Variants in RAB44 observed in about 807,000 individuals in gnomAD.
The protein encoded by RAB44 is RAB44, member RAS oncogene family, also known as ras-related protein Rab-44.
Under a neutral mutation model 93.3 loss-of-function variants are expected in RAB44, and 67 were observed. That is an observed-to-expected ratio of 0.72 (90% CI 0.59 to 0.88). The LOEUF (loss-of-function observed/expected upper bound fraction) is 0.88. Among genes scored for constraint, RAB44 ranks in the 40% least tolerant of loss-of-function variants. RAB44 has a pLI of 0.00. For synonymous variants in RAB44, 427 were observed against 520.3 expected, an observed-to-expected ratio of 0.82 and a Z score of 2.44; for missense variants, 1,064 against 1,261.7, an observed-to-expected ratio of 0.84 and a Z score of 2.37.
chr6:36,729,759 A>C (rs1763319862), intron 12 of RAB44, among the ~76,000 whole-genome samples: 1 of 152,214 alleles, frequency 6.6e-6, no homozygotes. Context: ...CTGGGATTAC[A>C]GGCGTGAGCC....
chr6:36,718,411 G>T, intron 6 of RAB44, 82 bp from the exon 7 acceptor site: 1 of 688,644 alleles, frequency 1.5e-6, no homozygotes, highest in Non-Finnish European at 2.0e-6. Flanking sequence ...CCAGGTGGTG[G>T]AGGTGGAGTG....
At position 36,732,399 on chromosome 6, in the gene RAB44, G is replaced by T; in HGVS notation, c.*306G>T. ...AAATATTGGCCGCACATCTGTGGGT[G>T]TAAAATTTTAGGGAGAATGTGGGGG... On this transcript the variant is annotated 3_prime_UTR_variant, in exon 14 of 14. Transcript: ENST00000612677. The T allele has an allele frequency of 1.8e-5, 3 of 167,264 alleles. No homozygotes were observed. The highest frequency in any genetic ancestry group is 3.6e-5 in the Non-Finnish European group (3 of 82,962). The allele number at this position is 167,264 out of a possible 1,614,324, so 10.4% of individuals were successfully genotyped here. A position where few individuals can be genotyped will look rare whatever the true frequency, so the allele number is the denominator to read the frequency against.
Position 36,721,201 on chromosome 6 carries a change from A to T in RAB44, c.1067A>T (p.Glu356Val). 1 of 1,234,154 alleles carries T rather than the reference A, an allele frequency of 8.1e-7. No individual in the cohort carries two copies. The highest frequency in any genetic ancestry group is 1.0e-6 in the Non-Finnish European group (1 of 988,082). The allele number at this position is 1,234,154 out of a possible 1,614,324, so 76.5% of individuals were successfully genotyped here. ...KTPDPQAASPEEAPLPGLFGD... is the reference protein window; with the variant it reads ...KTPDPQAASPVEAPLPGLFGD... ...CCAGACCCTCAGGCTGCCTCCCCTG[A>T]GGAGGCCCCCCTGCCTGGGCTATTT... The change falls in exon 9 of 14, where the codon GAG (glutamate) becomes GTG (valine). Residue 356 changes from glutamate to valine, a missense_variant. Physicochemically the swap from Glu to Val is moderately radical, Grantham distance 121 (BLOSUM62 -2). Transcript: ENST00000612677.
intron 2 of RAB44, among the ~76,000 whole-genome samples, chr6:36,711,017 T>C (rs1028918480): frequency 6.6e-6 from 1 of 152,172 alleles, no homozygotes; most frequent in African/African-American, 2.4e-5. Flanking sequence ...AAGTAAAAAA[T>C]ATATCAACTT....
At chr6:36,706,145 C>T (rs534592684) in intron 2 of RAB44, among the ~76,000 whole-genome samples, 66 of 152,168 alleles carry the variant, frequency 4.3e-4, no homozygotes, top group Non-Finnish European at 9.1e-4. Flanking sequence ...AGCAATCCCC[C>T]CACCTCAGGT....
At chr6:36,704,512 C>A in intron 2 of RAB44, 70 bp downstream of exon 2, 3 of 1,425,042 alleles carry the variant, frequency 2.1e-6, no homozygotes, top group Non-Finnish European at 2.9e-6. Flanking sequence ...TCTCCCCCAT[C>A]ACAGGAAGGC....
At position 36,702,098 on chromosome 6, in the gene RAB44, G is replaced by A. The variant is rs148860457; in HGVS notation, c.-12-2126G>A. ...TGTGCTGGTGACTATTCTTTGGTGGGGGCAGGAGACCTGATTCATGGCATT... is the reference window on the plus strand; with the variant it reads ...TGTGCTGGTGACTATTCTTTGGTGGAGGCAGGAGACCTGATTCATGGCATT... On this transcript the variant is annotated intron_variant, in intron 1 of 13. Transcript: ENST00000612677. Among the ~76,000 whole-genome samples the A allele has an allele frequency of 4.2e-3, 646 of 152,092 alleles. 2 individuals are homozygous for A. Among genetic ancestry groups the A allele is most frequent in the Middle Eastern group, 0.02 (6 of 294 alleles).
At chr6:36,708,641 T>G (rs1762708545) in intron 2 of RAB44, among the ~76,000 whole-genome samples, 1 of 151,888 alleles carries the variant, frequency 6.6e-6, no homozygotes, top group African/African-American at 2.4e-5. Flanking sequence ...ATTACAAGAG[T>G]AGATAGCTTT....
chr6:36,732,280 G>A lies in RAB44; in HGVS notation c.*187G>A, dbSNP rs1160166372. Reference sequence around the variant, plus strand: ...TCTGCCTTTCACACTCCAAAGGAGGGCTTTGCTGAGTGAACAAGGCTTGAG... The same window carrying A: ...TCTGCCTTTCACACTCCAAAGGAGGACTTTGCTGAGTGAACAAGGCTTGAG... On this transcript the variant is annotated 3_prime_UTR_variant, in exon 14 of 14. Transcript: ENST00000612677. The A allele has an allele frequency of 1.8e-5, 7 of 380,772 alleles. No homozygotes were observed. Among genetic ancestry groups the A allele is most frequent in the Non-Finnish European group, 3.3e-5 (7 of 215,026 alleles). 23.6% of individuals were successfully genotyped at this position (380,772 alleles called of 1,614,324 possible).
At chr6:36,720,282 G>A (rs1000459835) in intron 7 of RAB44, 81 bp from the exon 8 acceptor site, 30 of 1,148,826 alleles carry the variant, frequency 2.6e-5, no homozygotes, top group African/African-American at 3.2e-5. Flanking sequence ...GTGGGGGTCT[G>A]TGTCCCACAA....
At position 36,732,056 on chromosome 6, in the gene RAB44, C is replaced by T. The variant is rs887193146; in HGVS notation, c.3029C>T (p.Pro1010Leu). 6.5e-6 allele frequency: 8 copies of T among 1,234,418 alleles called. No homozygotes were observed. The highest frequency in any genetic ancestry group is 8.1e-6 in the Non-Finnish European group (8 of 988,236). 76.5% of individuals were successfully genotyped at this position (1,234,418 alleles called of 1,614,324 possible). The stretch of plus-strand genomic sequence containing the variant: ...AAGGACTCGCTGGTGAAGGTGGCCC[C>T]CAAGAGGCCGCCCAAGAGATTCGGC... Reference protein sequence around the residue: ...GLKDSLVKVAPKRPPKRFGCC... With the variant: ...GLKDSLVKVALKRPPKRFGCC... The change falls in exon 14 of 14, where the codon CCC becomes CTC. Residue 1010 changes from proline to leucine, a missense_variant. Transcript: ENST00000612677.
intron 8 of RAB44, 70 bp from the exon 9 acceptor site, chr6:36,721,068 GGATGGTGAGGGCT>G: frequency 8.3e-7 from 1 of 1,198,424 alleles, no homozygotes; most frequent in Non-Finnish European, 1.0e-6. Context: ...GGAGAGCAAG[GGATGGTGAGGGCT>G]GCAGGTGGGA....
rs1763043558 is a variant in RAB44, at chr6:36,720,437, C to T, written c.903C>T (p.Ala301=). 1 of 1,232,702 alleles carries T rather than the reference C, an allele frequency of 8.1e-7. No individual in the cohort carries two copies. The highest frequency in any genetic ancestry group is 4.2e-5 in the Admixed American group (1 of 23,712). 76.4% of individuals were successfully genotyped at this position (1,232,702 alleles called of 1,614,324 possible). A position where few individuals can be genotyped will look rare whatever the true frequency, so the allele number is the denominator to read the frequency against. ...AASENQQLQE[A]KRDLAGRLEE... ...CAGAGAACCAGCAGCTGCAGGAGGC[C>T]AAGCGTGACCTGGCTGGGCGGCTGG... Residue 301 remains alanine (A), a synonymous_variant, in exon 8 of 14, where the codon GCC becomes GCT. Coordinates refer to ENST00000612677, the MANE Select transcript of RAB44 (RefSeq NM_001257357.2).
chr6:36,720,597 T>C, intron 8 of RAB44, 47 bp downstream of exon 8: 1 of 1,209,184 alleles, frequency 8.3e-7, no homozygotes, highest in East Asian at 3.2e-5. Context: ...AAGGGCCTCC[T>C]GGAACCAGTG....
At chr6:36,720,129 T>A (rs1763033583) in intron 7 of RAB44, among the ~76,000 whole-genome samples, 1 of 152,114 alleles carries the variant, frequency 6.6e-6, no homozygotes, top group Non-Finnish European at 1.5e-5. Context: ...TTTTTGTTTC[T>A]CACACAGTCT....
intron 10 of RAB44, 78 bp from the exon 11 acceptor site, chr6:36,727,499 G>A: frequency 1.1e-6 from 1 of 897,392 alleles, no homozygotes; most frequent in East Asian, 2.7e-5. Context: ...AGTAGGATAG[G>A]TTACTTCTCC....
rs1763042835 is a variant in RAB44 at position 36,720,408 on chromosome 6, G to A, written c.874G>A (p.Ala292Thr). Residue 292 changes from alanine (A) to threonine (T), a missense_variant, in exon 8 of 14, where the codon GCC becomes ACC. Physicochemically the swap from Ala to Thr is moderately conservative, Grantham distance 58. Coordinates refer to ENST00000612677, the MANE Select transcript of RAB44 (RefSeq NM_001257357.2). Reference sequence around the variant, plus strand: ...CCTCAGGAGCACACATCAGGAGGCTGCCTCAGAGAACCAGCAGCTGCAGGA... The same window carrying A: ...CCTCAGGAGCACACATCAGGAGGCTACCTCAGAGAACCAGCAGCTGCAGGA... ...SHLRSTHQEA[A>T]SENQQLQEAK... The A allele has an allele frequency of 8.1e-7, 1 of 1,232,580 alleles. No individual in the cohort carries two copies. The highest frequency in any genetic ancestry group is 1.0e-6 in the Non-Finnish European group (1 of 988,234). 76.4% of individuals were successfully genotyped at this position (1,232,580 alleles called of 1,614,324 possible).
intron 12 of RAB44, among the ~76,000 whole-genome samples, 179 bp from the exon 13 acceptor site, chr6:36,730,494 G>T (rs1422448705): frequency 6.6e-6 from 1 of 152,226 alleles, no homozygotes; most frequent in Non-Finnish European, 1.5e-5. Context: ...GGGACAGTGG[G>T]CAAAGGGCTC....
chr6:36,698,562 G>A (rs1047667903), intron 1 of RAB44, among the ~76,000 whole-genome samples: 12 of 152,266 alleles, frequency 7.9e-5, no homozygotes, highest in Admixed American at 7.8e-4. Context: ...AGTTTTATGC[G>A]ATTTCTTAGG....
Sources: gnomAD v4.1 joint callset for allele counts (sites outside exome capture counted in the v4.1 genomes callset) on GRCh38, gnomAD v4.1.1 for gene constraint, MANE v1.5 for transcripts, NCBI Gene and HGNC (gene_info 2026-07-23, HGNC 2026-07-21) for gene names.